Variants in ERICH1 observed in about 807,000 individuals in gnomAD.
ERICH1 encodes glutamate rich 1.
Under a neutral mutation model 39.6 loss-of-function variants are expected in ERICH1, and 56 were observed. That is an observed-to-expected ratio of 1.41 (90% CI 1.14 to 1.77). ERICH1 has a LOEUF of 1.77. Ranked by LOEUF, ERICH1 falls within the 40% of genes most tolerant of loss-of-function variation. The pLI is 0.00. For missense variants in ERICH1, 826 were observed against 575.4 expected (o/e 1.44, Z -4.45); for synonymous variants, 313 against 223.6 (o/e 1.40, Z -3.57).
chr8:710,548 C>A (rs1429921097), intron 2 of ERICH1, among the ~76,000 whole-genome samples: 1 of 152,372 alleles, frequency 6.6e-6, no homozygotes, highest in African/African-American at 2.4e-5. Flanking sequence ...CTGCTCCTCC[C>A]AGTCCTCGGC....
rs1799419499 is a variant in ERICH1, at chr8:645,262, G to C, written c.976+23336C>G. On this transcript the variant is annotated intron_variant, in intron 3 of 3. Transcript: ENST00000522706. Reference sequence around the variant, plus strand: ...TGGGACGCACCTGCAAGGAGACCCAGTCCCCCCCAGAAACATGAGGCCTGC... The same window carrying C: ...TGGGACGCACCTGCAAGGAGACCCACTCCCCCCCAGAAACATGAGGCCTGC... Among the ~76,000 whole-genome samples, 2 of 68,524 alleles carry C rather than the reference G, an allele frequency of 2.9e-5. 1 individual carries two copies. The highest frequency in any genetic ancestry group is 7.4e-5 in the African/African-American group (2 of 27,196). The allele number at this position is 68,524 out of a possible 152,430, so 45.0% of individuals were successfully genotyped here.
At chr8:679,768 C>A (rs1403903250) in intron 3 of ERICH1, among the ~76,000 whole-genome samples, 1 of 152,232 alleles carries the variant, frequency 6.6e-6, no homozygotes, top group Non-Finnish European at 1.5e-5. Context: ...CACCTCCACA[C>A]TGGGGCTCCA....
Position 692,539 on chromosome 8 carries a change from A to G in ERICH1, c.243T>C (p.Cys81=). ...ASGPPEGYVP[C]WPEPSSCGSP... ...TCCCACAGCTGCTGGGCTCCGGCCA[A>G]CAGGGGACGTAGCCCTCAGGAGGCC... The change falls in exon 3 of 6, where the codon TGT becomes TGC. Residue 81 remains cysteine, a synonymous_variant. Coordinates refer to ENST00000262109, the MANE Select transcript of ERICH1 (RefSeq NM_207332.3). 1.9e-6 allele frequency: 3 copies of G among 1,614,052 alleles called. No homozygotes were observed. The East Asian group carries it at 6.7e-5, about 36-fold the overall frequency.
At chr8:639,209 T>C (rs1470089426) in intron 3 of ERICH1, among the ~76,000 whole-genome samples, 1 of 152,164 alleles carries the variant, frequency 6.6e-6, no homozygotes, top group Non-Finnish European at 1.5e-5. Flanking sequence ...GATCTGGGTC[T>C]GAAGTGCAGG....
chr8:710,096 A>G (rs1814343681), intron 2 of ERICH1, among the ~76,000 whole-genome samples: 1 of 152,218 alleles, frequency 6.6e-6, no homozygotes, highest in African/African-American at 2.4e-5. Flanking sequence ...AGAGCCGTAC[A>G]TTCTTATAAT....
chr8:708,672 G>A (rs1813870755), intron 2 of ERICH1, among the ~76,000 whole-genome samples: 3 of 92,962 alleles, frequency 3.2e-5, no homozygotes, highest in South Asian at 4.3e-4. Flanking sequence ...AGTGGTTACG[G>A]GATAATGAGT....
At chr8:639,138 C>T (rs1001160901) in intron 3 of ERICH1, among the ~76,000 whole-genome samples, 2 of 152,146 alleles carry the variant, frequency 1.3e-5, no homozygotes, top group African/African-American at 4.8e-5. Context: ...TCTGGGGAAG[C>T]TGGAAATGCC....
chr8:663,183 C>T (rs139486854), downstream of ERICH1, among the ~76,000 whole-genome samples: 48 of 152,350 alleles, frequency 3.2e-4, no homozygotes, highest in African/African-American at 1.1e-3. Context: ...GTAGAAGAGA[C>T]GTCTCTTAGG....
downstream of ERICH1, among the ~76,000 whole-genome samples, chr8:660,855 A>G (rs1410746450): frequency 2.0e-5 from 3 of 151,734 alleles, no homozygotes; most frequent in African/African-American, 7.3e-5. Context: ...GCTATATGGG[A>G]CTGCTCTCCT....
At chr8:663,034 C>T (rs1254446811), downstream of ERICH1, among the ~76,000 whole-genome samples, 1 of 152,248 alleles carries the variant, frequency 6.6e-6, no homozygotes, top group Non-Finnish European at 1.5e-5. Context: ...GGAAGAGTGG[C>T]GTCCGCTGCC....
intron 5 of ERICH1, among the ~76,000 whole-genome samples, chr8:665,508 G>T (rs758869300): frequency 1.1e-3 from 166 of 152,274 alleles, no homozygotes; most frequent in Middle Eastern, 3.4e-3. Context: ...ACTCCCCCCA[G>T]GCAGGCTCCA....
intron 3 of ERICH1, among the ~76,000 whole-genome samples, chr8:689,189 ACG>A (rs1808356147): frequency 6.6e-6 from 1 of 151,870 alleles, no homozygotes; most frequent in African/African-American, 2.4e-5. Context: ...TCGGCTCACC[ACG>A]GCCTCCGCCT....
At chr8:699,672 C>A (rs1811243589) in intron 2 of ERICH1, among the ~76,000 whole-genome samples, 1 of 151,846 alleles carries the variant, frequency 6.6e-6, no homozygotes, top group Non-Finnish European at 1.5e-5. Flanking sequence ...CACGTACAGA[C>A]CCGCACACGT....
At chr8:618,735 C>T (rs979426284) in intron 3 of ERICH1, among the ~76,000 whole-genome samples, 11 of 152,122 alleles carry the variant, frequency 7.2e-5, no homozygotes, top group Non-Finnish European at 1.5e-4. Flanking sequence ...TAAAATTGTG[C>T]TTAAACCTGG....
Position 719,787 on chromosome 8 carries a change from C to T in ERICH1, c.23-3780G>A, listed in dbSNP as rs7840562. On this transcript the variant is annotated intron_variant, in intron 1 of 5. Coordinates refer to ENST00000262109, the MANE Select transcript of ERICH1 (RefSeq NM_207332.3). ...TGTGCTATTTAATACTTTAAGGACT[C>T]GTAGATGTTTCATTCGTTCCAAGGA... is the stretch of plus-strand genomic sequence containing the variant. Among the ~76,000 whole-genome samples the T allele has an allele frequency of 5.9e-3, 905 of 152,238 alleles. 15 individuals are homozygous for T. Among genetic ancestry groups the T allele is most frequent in the African/African-American group, 0.02 (827 of 41,552 alleles).
At chr8:641,481 G>A (rs1798969099) in intron 3 of ERICH1, among the ~76,000 whole-genome samples, 1 of 152,184 alleles carries the variant, frequency 6.6e-6, no homozygotes, top group African/African-American at 2.4e-5. Context: ...TTTAACCCTG[G>A]CTGGCTTTAA....
intron 4 of ERICH1, 120 bp downstream of exon 4, chr8:673,169 T>C (rs994813655): frequency 4.4e-5 from 54 of 1,235,958 alleles, no homozygotes; most frequent in Non-Finnish European, 5.3e-5. Flanking sequence ...GCCTTACAAC[T>C]AATTATTTTA....
intron 3 of ERICH1, among the ~76,000 whole-genome samples, chr8:678,740 G>A (rs999826323): frequency 6.6e-6 from 1 of 152,116 alleles, no homozygotes; most frequent in Non-Finnish European, 1.5e-5. Context: ...CCTGGGAGGC[G>A]GAGCTTGCAG....
At chr8:721,284 T>C (rs1450989187) in intron 1 of ERICH1, among the ~76,000 whole-genome samples, 1 of 152,244 alleles carries the variant, frequency 6.6e-6, no homozygotes, top group East Asian at 1.9e-4. Flanking sequence ...CTTTTTAAAA[T>C]CAGTTTTTAA....
Sources: allele counts gnomAD v4.1 joint callset (sites outside exome capture counted in the v4.1 genomes callset), GRCh38; gene constraint gnomAD v4.1.1; transcripts MANE v1.5; gene names NCBI Gene and HGNC (gene_info 2026-07-23, HGNC 2026-07-21).